GNG4: variants seen among roughly 807,000 people sequenced by gnomAD.
GNG4 encodes G protein subunit gamma 4.
Under a neutral mutation model 5.8 loss-of-function variants are expected in GNG4, and 4 were observed. The observed-to-expected ratio is 0.69, with a 90% CI of 0.34 to 1.57. The LOEUF is 1.57. GNG4 is among the 40% of genes most tolerant of loss of function. GNG4 has a pLI of 0.06. For missense variants in GNG4, 96 were observed against 95.1 expected (o/e 1.01, Z -0.04); for synonymous variants, 29 against 32.9 (o/e 0.88, Z 0.41).
intron 1 of GNG4, among the ~76,000 whole-genome samples, chr1:235,600,164 G>A (rs1688228012): frequency 7.6e-6 from 1 of 132,168 alleles, no homozygotes; most frequent in African/African-American, 2.9e-5. Context: ...GCCCAGGCTG[G>A]AGTACAGTGG....
chr1:235,563,101 A>G (rs1687108576), intron 3 of GNG4, among the ~76,000 whole-genome samples: 1 of 151,822 alleles, frequency 6.6e-6, no homozygotes, highest in African/African-American at 2.4e-5. Context: ...TTGATGTTCC[A>G]TGGTCTTTAT....
In GNG4 at chr1:235,595,390, C is replaced by G. The variant is rs1034816363; in HGVS notation, c.-11+10G>C. The G allele has an allele frequency of 3.3e-5, 5 of 152,304 alleles. No homozygotes were observed. The highest frequency in any genetic ancestry group is 1.2e-4 in the African/African-American group (5 of 41,456). 9.4% of individuals were successfully genotyped at this position (152,304 alleles called of 1,614,324 possible). A position where few individuals can be genotyped will look rare whatever the true frequency, so the allele number is the denominator to read the frequency against. The stretch of plus-strand genomic sequence containing the variant: ...TCCTGCCCCTACACAGGGTAAGTCA[C>G]TCTCCTTACCTGCTGAGAGGCAGCC... On this transcript the variant is annotated intron_variant, in intron 2 of 3. Transcript: ENST00000391854.
intron 1 of GNG4, among the ~76,000 whole-genome samples, chr1:235,634,333 C>T (rs946141174): frequency 2.0e-5 from 3 of 152,284 alleles, no homozygotes; most frequent in East Asian, 1.9e-4. Flanking sequence ...GGCCAGTTAG[C>T]AAGAGAGGAG....
At chr1:235,571,381 C>T (rs1687337900) in intron 3 of GNG4, among the ~76,000 whole-genome samples, 1 of 152,288 alleles carries the variant, frequency 6.6e-6, no homozygotes. Flanking sequence ...CCTCAGTTTC[C>T]TCCTTCATAT....
At chr1:235,557,217 C>T (rs189007833) in intron 3 of GNG4, among the ~76,000 whole-genome samples, 22 of 152,242 alleles carry the variant, frequency 1.4e-4, no homozygotes, top group African/African-American at 4.3e-4. Flanking sequence ...TATACTCAGC[C>T]GCTATACTAC....
chr1:235,556,188 A>T (rs935297156), intron 3 of GNG4, among the ~76,000 whole-genome samples: 1 of 151,978 alleles, frequency 6.6e-6, no homozygotes, highest in Admixed American at 6.6e-5. Context: ...AGTACACATG[A>T]TAAGTATTAT....
chr1:235,628,616 T>C (rs1467859253), intron 1 of GNG4, among the ~76,000 whole-genome samples: 1 of 152,144 alleles, frequency 6.6e-6, no homozygotes, highest in Non-Finnish European at 1.5e-5. Context: ...CTGTGTAAGT[T>C]CTGGGGAAAC....
At chr1:235,559,552 G>T (rs1241946766) in intron 3 of GNG4, among the ~76,000 whole-genome samples, 2 of 152,138 alleles carry the variant, frequency 1.3e-5, no homozygotes, top group African/African-American at 2.4e-5. Context: ...ACTATTCCTG[G>T]TCAGTGTGGG....
intron 1 of GNG4, among the ~76,000 whole-genome samples, chr1:235,645,119 C>T (rs1657468401): frequency 6.6e-6 from 1 of 152,216 alleles, no homozygotes; most frequent in Non-Finnish European, 1.5e-5. Flanking sequence ...CCTCTGGCCT[C>T]CAAGAGCCTG....
chr1:235,640,740 C>T (rs531931801), intron 1 of GNG4, among the ~76,000 whole-genome samples: 21 of 152,354 alleles, frequency 1.4e-4, no homozygotes, highest in African/African-American at 4.1e-4. Flanking sequence ...TCCAGCCTCT[C>T]GGGGCCACCA....
intron 2 of GNG4, among the ~76,000 whole-genome samples, chr1:235,587,271 T>G: frequency 1.0e-5 from 1 of 99,672 alleles, no homozygotes; most frequent in Non-Finnish European, 1.9e-5. Flanking sequence ...TGTATGTGAG[T>G]GTGTGTGAAG....
intron 1 of GNG4, among the ~76,000 whole-genome samples, chr1:235,635,931 G>A (rs982541658): frequency 3.9e-5 from 6 of 152,166 alleles, no homozygotes; most frequent in Non-Finnish European, 8.8e-5. Flanking sequence ...GGCTCTGAAG[G>A]CCCACCTTCC....
chr1:235,600,168 A>C lies in GNG4; in HGVS notation c.-122-4657T>G, dbSNP rs561642669. Among the ~76,000 whole-genome samples, 7 of 125,540 alleles carry C rather than the reference A, an allele frequency of 5.6e-5. No individual in the cohort carries two copies. In the East Asian group the frequency reaches 1.4e-3, roughly 26 times the overall value. 82.4% of individuals were successfully genotyped at this position (125,540 alleles called of 152,430 possible). A position where few individuals can be genotyped will look rare whatever the true frequency, so the allele number is the denominator to read the frequency against. The stretch of plus-strand genomic sequence containing the variant: ...CTCACTCTGTCGCCCAGGCTGGAGT[A>C]CAGTGGCACGATCTTGGCACACCAC... On this transcript the variant is annotated intron_variant, in intron 1 of 3. Transcript: ENST00000391854.
rs36022466 is a variant in GNG4, at chr1:235,579,409, T to TA, written c.99+4330dup. Reference sequence around the variant, plus strand: ...TTACTTGTCAAAGTAAATACATTAATAAAAAAAAAAAAGTAAATACATTAA... The same window carrying TA: ...TTACTTGTCAAAGTAAATACATTAATAAAAAAAAAAAAAGTAAATACATTAA... On this transcript the variant is annotated intron_variant, in intron 3 of 3. Transcript: ENST00000391854. 1.3e-3 allele frequency among the ~76,000 whole-genome samples: 77 copies of TA among 57,422 alleles called. No individual in the cohort carries two copies. The South Asian group carries it at 0.014, about 10-fold the overall frequency. The allele number at this position is 57,422 out of a possible 152,430, so 37.7% of individuals were successfully genotyped here. A position where few individuals can be genotyped will look rare whatever the true frequency, so the allele number is the denominator to read the frequency against.
At chr1:235,561,634 A>G (rs1366169910) in intron 3 of GNG4, among the ~76,000 whole-genome samples, 1 of 152,076 alleles carries the variant, frequency 6.6e-6, no homozygotes, top group Non-Finnish European at 1.5e-5. Context: ...ACCTCAGGTG[A>G]TCTGCCTGCC....
intron 1 of GNG4, among the ~76,000 whole-genome samples, chr1:235,632,201 GCCT>G (rs1688945403): frequency 6.6e-6 from 1 of 152,056 alleles, no homozygotes; most frequent in South Asian, 2.1e-4. Context: ...TCATCCTCCT[GCCT>G]CCTTCCTGAG....
chr1:235,627,253 C>T (rs909489298), intron 1 of GNG4, among the ~76,000 whole-genome samples: 4 of 151,706 alleles, frequency 2.6e-5, no homozygotes, highest in African/African-American at 4.8e-5. Flanking sequence ...GACAGAGTCT[C>T]GCTCTGTCTC....
At chr1:235,614,859 C>T (rs1442271642) in intron 1 of GNG4, 2 of 152,352 alleles carry the variant, frequency 1.3e-5, no homozygotes, top group Non-Finnish European at 2.9e-5. Flanking sequence ...TGGGAGCAGC[C>T]TCATCCTGCT....
chr1:235,624,485 G>T (rs1014333391), intron 1 of GNG4, among the ~76,000 whole-genome samples: 56 of 152,030 alleles, frequency 3.7e-4, no homozygotes, highest in African/African-American at 1.3e-3. Flanking sequence ...ACAGTTAGAG[G>T]AAAATGATAA....
Sources: allele counts gnomAD v4.1 joint callset (sites outside exome capture counted in the v4.1 genomes callset), GRCh38; gene constraint gnomAD v4.1.1; transcripts MANE v1.5; gene names NCBI Gene and HGNC (gene_info 2026-07-23, HGNC 2026-07-21).